Variants in PLCE1 observed in about 807,000 individuals in gnomAD.
PLCE1 encodes phospholipase C epsilon 1, also known as 1-phosphatidylinositol 4,5-bisphosphate phosphodiesterase epsilon-1.
Under a neutral mutation model 242.8 loss-of-function variants are expected in PLCE1, and 119 were observed. That is an observed-to-expected ratio of 0.49 (90% CI 0.42 to 0.57). The LOEUF is 0.57. PLCE1 is among the 20% of genes least tolerant of loss of function. The pLI, the probability that PLCE1 is intolerant of heterozygous loss-of-function variation, is 0.00. For missense variants in PLCE1, 2,441 were observed against 2,788.8 expected, an observed-to-expected ratio of 0.88 and a Z score of 2.81; for synonymous variants, 945 against 1,017.4, an observed-to-expected ratio of 0.93 and a Z score of 1.35.
At chr10:94,148,250 G>A (rs1286942950) in intron 3 of PLCE1, among the ~76,000 whole-genome samples, 1 of 152,180 alleles carries the variant, frequency 6.6e-6, no homozygotes, top group Non-Finnish European at 1.5e-5. Flanking sequence ...GAAATGGCAA[G>A]AACAAAGGCT....
chr10:94,059,023 C>T (rs2043977980), intron 2 of PLCE1, among the ~76,000 whole-genome samples: 1 of 152,080 alleles, frequency 6.6e-6, no homozygotes, highest in Non-Finnish European at 1.5e-5. Context: ...AAATGACAGT[C>T]AGGTGTATGT....
chr10:94,117,887 T>A (rs1318947179), intron 2 of PLCE1, among the ~76,000 whole-genome samples: 1 of 152,224 alleles, frequency 6.6e-6, no homozygotes, highest in Admixed American at 6.5e-5. Flanking sequence ...GGGAAAGCTC[T>A]TAAGTCTACT....
intron 3 of PLCE1, among the ~76,000 whole-genome samples, chr10:94,156,456 T>C (rs2047436068): frequency 6.6e-6 from 1 of 152,184 alleles, no homozygotes; most frequent in Non-Finnish European, 1.5e-5. Flanking sequence ...CTTTACTTAC[T>C]TTACCAGTTT....
At chr10:94,203,676 T>C (rs1037459394) in intron 4 of PLCE1, among the ~76,000 whole-genome samples, 1 of 152,190 alleles carries the variant, frequency 6.6e-6, no homozygotes, top group African/African-American at 2.4e-5. Context: ...TGAGCCTACA[T>C]AAGCAGAAAT....
intron 4 of PLCE1, among the ~76,000 whole-genome samples, chr10:94,226,829 G>GTT (rs2049956438): frequency 6.8e-5 from 6 of 87,710 alleles, no homozygotes; most frequent in South Asian, 4.4e-4. Context: ...GGACCTATAG[G>GTT]TCTTTTTTTT....
At position 94,093,934 on chromosome 10, in the gene PLCE1, C is replaced by CTTTTTTTT. The variant is rs398046178; in HGVS notation, c.1207-38222_1207-38215dup. On this transcript the variant is annotated intron_variant, in intron 2 of 32. Transcript: ENST00000371380. The stretch of plus-strand genomic sequence containing the variant: ...TCATTCAGTCATTTAATCGGTATTT[C>CTTTTTTTT]TTTTTTTTTTTTTTTTTTTTTTTTT... Among the ~76,000 whole-genome samples, 38 of 79,186 alleles carry CTTTTTTTT rather than the reference C, an allele frequency of 4.8e-4. 2 individuals carry two copies. The highest frequency in any genetic ancestry group is 9.8e-4 in the African/African-American group (18 of 18,312). 51.9% of individuals were successfully genotyped at this position (79,186 alleles called of 152,430 possible).
intron 4 of PLCE1, among the ~76,000 whole-genome samples, chr10:94,219,360 A>C (rs2049643123): frequency 6.6e-6 from 1 of 152,166 alleles, no homozygotes; most frequent in South Asian, 2.1e-4. Flanking sequence ...TTAGGAACCC[A>C]CCAATGTTTT....
chr10:94,115,075 T>C (rs1315850294), intron 2 of PLCE1, among the ~76,000 whole-genome samples: 1 of 152,204 alleles, frequency 6.6e-6, no homozygotes, highest in Non-Finnish European at 1.5e-5. Flanking sequence ...GCTTCATCCA[T>C]GTCCCTACAA....
At chr10:94,090,322 C>T (rs953465454) in intron 2 of PLCE1, among the ~76,000 whole-genome samples, 1 of 152,140 alleles carries the variant, frequency 6.6e-6, no homozygotes, top group African/African-American at 2.4e-5. Context: ...ATTCTATCTG[C>T]GAATTTCCAT....
At chr10:94,154,881 A>T (rs2047380241) in intron 3 of PLCE1, among the ~76,000 whole-genome samples, 1 of 147,138 alleles carries the variant, frequency 6.8e-6, no homozygotes, top group African/African-American at 2.5e-5. Flanking sequence ...CTCTATTTTA[A>T]ATATATATAT....
intron 2 of PLCE1, among the ~76,000 whole-genome samples, chr10:94,110,229 A>AT (rs1300152787): frequency 2.6e-5 from 4 of 151,048 alleles, no homozygotes; most frequent in Admixed American, 6.6e-5. Context: ...CGCCCAGCTA[A>AT]TTTTTTGTAT....
intron 1 of PLCE1, among the ~76,000 whole-genome samples, chr10:94,028,006 G>A (rs1423342614): frequency 2.0e-5 from 3 of 152,198 alleles, no homozygotes; most frequent in Non-Finnish European, 4.4e-5. Context: ...CAGTCTTCTT[G>A]GATTTGAATC....
chr10:94,304,567 G>A lies in PLCE1; in HGVS notation c.5544G>A (p.Lys1848=), dbSNP rs373009697. ...YVLKPPVLWD[K]NCPMYQKFSP... ...TGAAACCTCCAGTTCTGTGGGACAA[G>A]AACTGCCCCATGTATCAGAAGTTTT... is the stretch of plus-strand genomic sequence containing the variant. The change falls in exon 25 of 33, where the codon AAG becomes AAA. Residue 1848 remains lysine, a synonymous_variant. Coordinates refer to ENST00000371380, the MANE Select transcript of PLCE1 (RefSeq NM_016341.4). 1 of 1,613,604 alleles carries A rather than the reference G, an allele frequency of 6.2e-7. No individual in the cohort carries two copies. Among genetic ancestry groups the A allele is most frequent in the African/African-American group, 1.3e-5 (1 of 74,920 alleles).
At chr10:94,094,260 C>G (rs562650333) in intron 2 of PLCE1, among the ~76,000 whole-genome samples, 2 of 152,062 alleles carry the variant, frequency 1.3e-5, no homozygotes, top group Non-Finnish European at 2.9e-5. Context: ...CTTTTGAGCT[C>G]CTAGAATGTA....
chr10:94,165,003 C>G (rs576900716), intron 3 of PLCE1, among the ~76,000 whole-genome samples: 1 of 152,272 alleles, frequency 6.6e-6, no homozygotes, highest in Non-Finnish European at 1.5e-5. Context: ...GAAGTTTTGT[C>G]TCAGAGGAGT....
At chr10:94,001,672 T>C (rs987501316) in intron 1 of PLCE1, among the ~76,000 whole-genome samples, 1 of 152,240 alleles carries the variant, frequency 6.6e-6, no homozygotes, top group Non-Finnish European at 1.5e-5. Flanking sequence ...ATGGCTTAAT[T>C]TGGATATCAC....
At chr10:94,069,613 A>AAAAC (rs555901072) in intron 2 of PLCE1, among the ~76,000 whole-genome samples, 94 of 152,154 alleles carry the variant, frequency 6.2e-4, no homozygotes, top group South Asian at 5.0e-3. Flanking sequence ...ACTCTGTCTA[A>AAAAC]AAACAAACAA....
chr10:94,065,891 G>T (rs926900719), intron 2 of PLCE1, among the ~76,000 whole-genome samples: 1 of 152,144 alleles, frequency 6.6e-6, no homozygotes, highest in Non-Finnish European at 1.5e-5. Flanking sequence ...TCTGCTTGGG[G>T]AAGACTTTCT....
chr10:94,242,632 A>G (rs959441570), intron 7 of PLCE1, among the ~76,000 whole-genome samples: 8 of 152,146 alleles, frequency 5.3e-5, no homozygotes, highest in Admixed American at 3.9e-4. Flanking sequence ...TTCTAATACC[A>G]TTCTTCAGTA....
Sources: gnomAD v4.1 joint callset for allele counts (sites outside exome capture counted in the v4.1 genomes callset) on GRCh38, gnomAD v4.1.1 for gene constraint, MANE v1.5 for transcripts, NCBI Gene and HGNC (gene_info 2026-07-23, HGNC 2026-07-21) for gene names.